IMMP2L: variants seen among roughly 807,000 people sequenced by gnomAD.
IMMP2L encodes inner mitochondrial membrane peptidase subunit 2, also known as mitochondrial inner membrane protease subunit 2.
A neutral mutation model predicts 19.3 loss-of-function variants in IMMP2L; 18 were observed. The ratio of observed to expected loss-of-function variants is 0.93; its 90% CI spans 0.64 to 1.38. The LOEUF (loss-of-function observed/expected upper bound fraction) is 1.38. Among genes scored for constraint, IMMP2L ranks in the 40% most tolerant of loss-of-function variants. The pLI is 0.00. For synonymous variants in IMMP2L, 76 were observed against 73.0 expected (o/e 1.04, Z -0.21); for missense variants, 233 against 218.2 (o/e 1.07, Z -0.43).
intron 3 of IMMP2L, among the ~76,000 whole-genome samples, chr7:111,047,567 T>A (rs541034522): frequency 6.6e-6 from 1 of 152,290 alleles, no homozygotes; most frequent in Admixed American, 6.5e-5. Flanking sequence ...GAAGCCTTTT[T>A]CCTTAGTCTT....
intron 3 of IMMP2L, among the ~76,000 whole-genome samples, chr7:111,144,910 C>A (rs1803305993): frequency 6.6e-6 from 1 of 151,936 alleles, no homozygotes; most frequent in African/African-American, 2.4e-5. Flanking sequence ...GTTATGAAAG[C>A]AAAACATGAA....
chr7:111,165,413 T>G (rs1805713103), intron 3 of IMMP2L, among the ~76,000 whole-genome samples: 3 of 152,210 alleles, frequency 2.0e-5, no homozygotes, highest in African/African-American at 7.2e-5. Context: ...AAGACCCTGC[T>G]TTCAATTCTT....
At chr7:110,775,184 T>C (rs975558374) in intron 5 of IMMP2L, among the ~76,000 whole-genome samples, 13 of 151,946 alleles carry the variant, frequency 8.6e-5, no homozygotes, top group African/African-American at 3.1e-4. Flanking sequence ...AATGAGATCA[T>C]GCCTGTTTTC....
chr7:111,448,378 C>T (rs971735733), intron 3 of IMMP2L, among the ~76,000 whole-genome samples: 4 of 151,304 alleles, frequency 2.6e-5, no homozygotes, highest in African/African-American at 9.8e-5. Context: ...ACAGTGCAAT[C>T]AAACTAGAAC....
chr7:111,527,154 T>C (rs1158122723), intron 1 of IMMP2L, among the ~76,000 whole-genome samples: 1 of 152,066 alleles, frequency 6.6e-6, no homozygotes, highest in Non-Finnish European at 1.5e-5. Flanking sequence ...TGTTTCCTCA[T>C]GTGTGACAAG....
chr7:110,813,552 T>C (rs960323482), intron 5 of IMMP2L, among the ~76,000 whole-genome samples: 1 of 151,794 alleles, frequency 6.6e-6, no homozygotes, highest in Non-Finnish European at 1.5e-5. Context: ...TTCAGACTCC[T>C]GAGTAGCTGG....
chr7:111,235,724 GT>G (rs1271916802), intron 3 of IMMP2L, among the ~76,000 whole-genome samples: 2 of 151,800 alleles, frequency 1.3e-5, no homozygotes, highest in East Asian at 3.9e-4. Flanking sequence ...TGAGTTTATA[GT>G]TTTTATCAAT....
intron 4 of IMMP2L, among the ~76,000 whole-genome samples, chr7:110,893,198 ATATTT>A (rs777755288): frequency 3.9e-5 from 6 of 152,204 alleles, no homozygotes; most frequent in Non-Finnish European, 8.8e-5. Context: ...TAATTTAAAA[ATATTT>A]TATTGCTAAA....
intron 3 of IMMP2L, among the ~76,000 whole-genome samples, chr7:111,285,870 T>G (rs913001203): frequency 6.6e-6 from 1 of 152,334 alleles, no homozygotes; most frequent in Non-Finnish European, 1.5e-5. Flanking sequence ...CAAAGTAATG[T>G]GCTTAATACT....
intron 4 of IMMP2L, among the ~76,000 whole-genome samples, chr7:110,946,068 T>C (rs1817217532): frequency 6.6e-6 from 1 of 152,162 alleles, no homozygotes; most frequent in East Asian, 1.9e-4. Context: ...AGTTAATTGG[T>C]GAGAGGCCAA....
chr7:111,294,626 C>T (rs37759), intron 3 of IMMP2L, among the ~76,000 whole-genome samples: 83,816 of 151,420 alleles, frequency 0.55, 23,854 homozygotes, highest in South Asian at 0.71. Flanking sequence ...TTGTCAATGA[C>T]TCACAATGAT....
chr7:111,106,428 T>C (rs1205052104), intron 3 of IMMP2L, among the ~76,000 whole-genome samples: 1 of 151,844 alleles, frequency 6.6e-6, no homozygotes, highest in Non-Finnish European at 1.5e-5. Context: ...AACTCACTGG[T>C]TTTGAGAAAC....
intron 5 of IMMP2L, among the ~76,000 whole-genome samples, chr7:110,834,858 T>C (rs1162609954): frequency 6.6e-6 from 1 of 152,184 alleles, no homozygotes; most frequent in African/African-American, 2.4e-5. Flanking sequence ...CTGGCCTTTG[T>C]GGAGTAAAGC....
chr7:111,063,655 C>T (rs1047811208), intron 3 of IMMP2L, among the ~76,000 whole-genome samples: 3 of 151,906 alleles, frequency 2.0e-5, no homozygotes, highest in African/African-American at 7.3e-5. Context: ...GAATGCTTTG[C>T]TGCTTAAAAA....
intron 5 of IMMP2L, among the ~76,000 whole-genome samples, chr7:110,718,015 A>G (rs1795334465): frequency 6.6e-6 from 1 of 152,238 alleles, no homozygotes; most frequent in Admixed American, 6.5e-5. Context: ...CTGATAAGGT[A>G]TGGTCCCTGG....
chr7:111,547,281 G>A (rs1054223687), intron 1 of IMMP2L, among the ~76,000 whole-genome samples: 6 of 152,278 alleles, frequency 3.9e-5, no homozygotes, highest in South Asian at 4.2e-4. Flanking sequence ...GTACTGTGCT[G>A]CTCTACTTCC....
intron 3 of IMMP2L, among the ~76,000 whole-genome samples, chr7:111,314,402 A>G (rs1208051750): frequency 6.6e-6 from 1 of 152,174 alleles, no homozygotes; most frequent in Non-Finnish European, 1.5e-5. Context: ...TTAGACAGGC[A>G]AAAGGTGAGC....
chr7:111,466,784 A>AG (rs1554510936), intron 3 of IMMP2L, among the ~76,000 whole-genome samples: 1 of 152,132 alleles, frequency 6.6e-6, no homozygotes, highest in Non-Finnish European at 1.5e-5. Context: ...ATGTACAGAC[A>AG]TTTTTTCCCT....
At chr7:111,167,337 C>A (rs1805935485) in intron 3 of IMMP2L, among the ~76,000 whole-genome samples, 2 of 151,926 alleles carry the variant, frequency 1.3e-5, no homozygotes, top group Admixed American at 1.3e-4. Flanking sequence ...TCCCTGCTGA[C>A]TCCACTCATC....
Sources: gnomAD v4.1 joint callset for allele counts (sites outside exome capture counted in the v4.1 genomes callset) on GRCh38, gnomAD v4.1.1 for gene constraint, MANE v1.5 for transcripts, NCBI Gene and HGNC (gene_info 2026-07-23, HGNC 2026-07-21) for gene names.